CSMD1: variants seen among roughly 807,000 people sequenced by gnomAD.
CSMD1 encodes the protein CUB and sushi domain-containing protein 1.
Under a neutral mutation model 417.5 loss-of-function variants are expected in CSMD1, and 213 were observed. The observed-to-expected ratio is 0.51, with a 90% confidence interval of 0.46 to 0.57. CSMD1 has a LOEUF of 0.57. Among genes scored for constraint, CSMD1 ranks in the 20% least tolerant of loss-of-function variants. The probability of loss-of-function intolerance (pLI) is 0.00; values close to 1 mark genes in which losing one functional copy is unlikely to be tolerated. For missense variants in CSMD1, 6,923 were observed against 4,529.7 expected (o/e 1.53, Z -15.17); for synonymous variants, 2,862 against 1,736.8 (o/e 1.65, Z -16.11).
chr8:3,714,598 A>G (rs1801722364), intron 6 of CSMD1, among the ~76,000 whole-genome samples: 1 of 138,634 alleles, frequency 7.2e-6, no homozygotes, highest in Non-Finnish European at 1.6e-5. Flanking sequence ...CCAGCCAGGC[A>G]TGGTGGCGGG....
intron 6 of CSMD1, among the ~76,000 whole-genome samples, chr8:3,750,188 C>A (rs1047881844): frequency 2.0e-5 from 3 of 152,088 alleles, no homozygotes; most frequent in African/African-American, 7.2e-5. Context: ...CCAAGTAACA[C>A]TGACGGAATT....
intron 10 of CSMD1, among the ~76,000 whole-genome samples, chr8:3,520,494 A>G (rs568356022): frequency 1.3e-5 from 2 of 152,308 alleles, no homozygotes; most frequent in South Asian, 4.1e-4. Context: ...ACAAAATAAA[A>G]TGTTTATTAT....
chr8:3,636,957 G>T (rs1394809378), intron 7 of CSMD1, among the ~76,000 whole-genome samples: 2 of 152,224 alleles, frequency 1.3e-5, no homozygotes, highest in East Asian at 1.9e-4. Context: ...ATGATGGATT[G>T]CTATAAATGC....
intron 5 of CSMD1, among the ~76,000 whole-genome samples, chr8:3,808,877 G>A (rs996978420): frequency 2.0e-5 from 3 of 152,142 alleles, no homozygotes; most frequent in Admixed American, 6.6e-5. Context: ...TGAGAATTCT[G>A]AAGTCATATC....
chr8:4,740,469 G>T (rs559092717), intron 1 of CSMD1, among the ~76,000 whole-genome samples: 5 of 152,244 alleles, frequency 3.3e-5, no homozygotes, highest in Non-Finnish European at 7.4e-5. Context: ...GACAGGCTGG[G>T]ATGTGTTTAG....
chr8:3,462,239 C>T (rs1174108399), intron 12 of CSMD1, among the ~76,000 whole-genome samples: 4 of 152,122 alleles, frequency 2.6e-5, no homozygotes, highest in Admixed American at 2.0e-4. Context: ...TCAATGGCAC[C>T]AAGCCTGGCC....
At chr8:3,413,017 T>A (rs1812914500) in intron 12 of CSMD1, among the ~76,000 whole-genome samples, 1 of 152,202 alleles carries the variant, frequency 6.6e-6, no homozygotes, top group Non-Finnish European at 1.5e-5. Context: ...CCCCCAGTGT[T>A]TGCTGGGCCA....
intron 62 of CSMD1, 66 bp from the exon 63 acceptor site, chr8:2,957,873 CCTGAAAGTACACGCCCGAGTAAAA>C: frequency 9.3e-7 from 1 of 1,077,176 alleles, no homozygotes; most frequent in South Asian, 1.4e-5. Context: ...ACTAGTGATA[CCTGAAAGTACACGCCCGAGTAAAA>C]GTACAGCAGC....
intron 2 of CSMD1, among the ~76,000 whole-genome samples, chr8:4,433,481 G>A (rs948629635): frequency 6.6e-6 from 1 of 152,198 alleles, no homozygotes; most frequent in Non-Finnish European, 1.5e-5. Flanking sequence ...CTATCTGCAA[G>A]CGCGGCCAAG....
intron 10 of CSMD1, among the ~76,000 whole-genome samples, chr8:3,503,166 T>A (rs1442526800): frequency 6.6e-6 from 1 of 152,170 alleles, no homozygotes; most frequent in Admixed American, 6.5e-5. Context: ...AATTTCAACC[T>A]AGAAAAAAGT....
chr8:4,451,188 G>A (rs575246415), intron 2 of CSMD1, among the ~76,000 whole-genome samples: 121 of 152,114 alleles, frequency 8.0e-4, no homozygotes, highest in Admixed American at 1.5e-3. Context: ...AAATAACCAA[G>A]TGTGATGAGG....
chr8:4,377,262 T>C (rs1339886914), intron 3 of CSMD1, among the ~76,000 whole-genome samples: 1 of 152,136 alleles, frequency 6.6e-6, no homozygotes. Flanking sequence ...AAAGCAACTA[T>C]CACCCCTGGG....
intron 3 of CSMD1, among the ~76,000 whole-genome samples, chr8:4,229,364 T>G (rs1209953748): frequency 6.6e-6 from 1 of 152,164 alleles, no homozygotes; most frequent in Non-Finnish European, 1.5e-5. Flanking sequence ...TGTGCCATCA[T>G]CAACAAAGCA....
intron 1 of CSMD1, among the ~76,000 whole-genome samples, chr8:4,743,227 T>A (rs1360861215): frequency 6.6e-6 from 1 of 152,214 alleles, no homozygotes; most frequent in Non-Finnish European, 1.5e-5. Flanking sequence ...CACATTATTT[T>A]AGACATAATC....
intron 1 of CSMD1, among the ~76,000 whole-genome samples, chr8:4,832,826 T>C (rs1432025284): frequency 1.3e-5 from 2 of 152,052 alleles, no homozygotes; most frequent in East Asian, 3.9e-4. Context: ...AGTCATCTCA[T>C]ACCCTGTGAT....
chr8:4,021,153 G>C (rs2740932), intron 4 of CSMD1, among the ~76,000 whole-genome samples: 48,506 of 152,076 alleles, frequency 0.32, 8,695 homozygotes, highest in South Asian at 0.54. Context: ...TGCAGCTCAT[G>C]AGCACGTGAA....
At chr8:4,762,881 C>G (rs1018675772) in intron 1 of CSMD1, among the ~76,000 whole-genome samples, 3 of 152,100 alleles carry the variant, frequency 2.0e-5, no homozygotes, top group Non-Finnish European at 4.4e-5. Flanking sequence ...TATTAGGCAT[C>G]TCATTTATAC....
intron 23 of CSMD1, among the ~76,000 whole-genome samples, chr8:3,325,104 C>A (rs963048692): frequency 6.6e-6 from 1 of 152,040 alleles, no homozygotes; most frequent in African/African-American, 2.4e-5. Flanking sequence ...TTTCTTTTAA[C>A]GACATCATTA....
At chr8:3,757,340 G>C (rs570755543) in intron 5 of CSMD1, among the ~76,000 whole-genome samples, 1 of 152,188 alleles carries the variant, frequency 6.6e-6, no homozygotes, top group South Asian at 2.1e-4. Flanking sequence ...AACTTTGCAG[G>C]TGTAGTTGGC....
Sources: gnomAD v4.1 joint callset for allele counts (sites outside exome capture counted in the v4.1 genomes callset) on GRCh38, gnomAD v4.1.1 for gene constraint, MANE v1.5 for transcripts, NCBI Gene and HGNC (gene_info 2026-07-23, HGNC 2026-07-21) for gene names.